RMND1: variants seen among roughly 807,000 people sequenced by gnomAD.
RMND1 encodes the protein required for meiotic nuclear division 1 homolog, also known as required for meiotic nuclear division protein 1 homolog.
Under a neutral mutation model 54.0 loss-of-function variants are expected in RMND1, and 41 were observed. The ratio of observed to expected loss-of-function variants is 0.76; its 90% CI spans 0.59 to 0.98. The LOEUF is 0.98. Among genes scored for constraint, RMND1 ranks in the 50% least tolerant of loss-of-function variants. The pLI is 0.00. For synonymous variants in RMND1, 183 were observed against 181.7 expected (o/e 1.01, Z -0.06); for missense variants, 457 against 532.0 (o/e 0.86, Z 1.39).
chr6:151,424,912 G>T (rs1780252605), intron 6 of RMND1, among the ~76,000 whole-genome samples: 1 of 152,190 alleles, frequency 6.6e-6, no homozygotes, highest in Admixed American at 6.5e-5. Context: ...GACAGCCTCA[G>T]ATGGAGGAAG....
At chr6:151,410,057 ATT>A (rs35691230) in intron 10 of RMND1, among the ~76,000 whole-genome samples, 6 of 140,384 alleles carry the variant, frequency 4.3e-5, no homozygotes, top group Non-Finnish European at 4.6e-5. Context: ...TCTTTGTTCC[ATT>A]TTTTTTTTTT....
chr6:151,408,056 A>C (rs1582938884), intron 10 of RMND1, among the ~76,000 whole-genome samples: 1 of 152,154 alleles, frequency 6.6e-6, no homozygotes, highest in Admixed American at 6.6e-5. Context: ...ATTAGGCTTT[A>C]AAAGGCAGTG....
intron 9 of RMND1, among the ~76,000 whole-genome samples, chr6:151,420,452 A>G (rs1562788320): frequency 6.6e-6 from 1 of 152,164 alleles, no homozygotes; most frequent in Non-Finnish European, 1.5e-5. Flanking sequence ...GCTAGAAGGG[A>G]TAAACTGGAC....
Position 151,430,119 on chromosome 6 carries a change from CATTTTT to C in RMND1, c.729+13_729+18del. 6.5e-7 allele frequency: 1 copy of C among 1,538,984 alleles called. No homozygotes were observed. On this transcript the variant is annotated intron_variant, in intron 5 of 11. Transcript: ENST00000444024. ...ACAAAACTAAATTTTTATATTTTCA[CATTTTT>C]ATTTACACTTACAGTTTTGTCTTTC...
rs1374996113 is a variant in RMND1 at position 151,433,210 on chromosome 6, T to C, written c.634A>G (p.Met212Val). 2.5e-6 allele frequency: 4 copies of C among 1,611,556 alleles called. No individual in the cohort carries two copies. Among genetic ancestry groups the C allele is most frequent in the Non-Finnish European group, 3.4e-6 (4 of 1,178,658 alleles). The part of the protein sequence containing the change: ...LPRDAANILV[M>V]GVENSAKEGD... ...TCTTTTGCAGAATTTTCCACACCCA[T>C]CACCAAAATATTTGCTGCATCTGTG... Residue 212 changes from methionine to valine, a missense_variant, in exon 4 of 12, where the codon ATG becomes GTG. Physicochemically the swap from Met to Val is conservative, Grantham distance 21. Transcript: ENST00000444024.
intron 5 of RMND1, 61 bp downstream of exon 5, chr6:151,430,077 A>C: frequency 9.3e-7 from 1 of 1,071,594 alleles, no homozygotes; most frequent in Non-Finnish European, 1.4e-6. Context: ...GTATGTGCTA[A>C]TTAACAATTC....
At chr6:151,423,173 C>G (rs9478205) in intron 7 of RMND1, among the ~76,000 whole-genome samples, 15,374 of 152,220 alleles carry the variant, frequency 0.1, 2,310 homozygotes, top group African/African-American at 0.33. Context: ...TTTTTCTACA[C>G]TGGGACCTGT....
chr6:151,426,586 T>C (rs1780302759), intron 6 of RMND1, among the ~76,000 whole-genome samples: 2 of 152,270 alleles, frequency 1.3e-5, no homozygotes, highest in South Asian at 4.1e-4. Flanking sequence ...AATAATTTGA[T>C]AGGTTCATTT....
At chr6:151,429,861 A>G (rs1780404906) in intron 5 of RMND1, among the ~76,000 whole-genome samples, 2 of 152,216 alleles carry the variant, frequency 1.3e-5, no homozygotes, top group African/African-American at 2.4e-5. Flanking sequence ...TGTATAGTAC[A>G]ACATGCAAAG....
chr6:151,407,612 G>A (rs572476970), intron 10 of RMND1, among the ~76,000 whole-genome samples: 1 of 152,230 alleles, frequency 6.6e-6, no homozygotes, highest in Non-Finnish European at 1.5e-5. Context: ...AAATGTGCAA[G>A]CAAGAGTCCC....
intron 10 of RMND1, among the ~76,000 whole-genome samples, chr6:151,416,126 G>C (rs974214210): frequency 6.6e-6 from 1 of 150,492 alleles, no homozygotes; most frequent in Non-Finnish European, 1.5e-5. Context: ...CTACAGGCAC[G>C]CGCCACCACA....
chr6:151,410,794 G>A (rs567519235), intron 10 of RMND1, among the ~76,000 whole-genome samples: 4 of 152,064 alleles, frequency 2.6e-5, no homozygotes, highest in Non-Finnish European at 5.9e-5. Context: ...TTGTGTATTT[G>A]CAGTATAACG....
intron 10 of RMND1, among the ~76,000 whole-genome samples, chr6:151,415,505 T>C (rs1267121450): frequency 2.0e-5 from 3 of 152,110 alleles, no homozygotes; most frequent in African/African-American, 7.2e-5. Flanking sequence ...GGAACTTTGA[T>C]ACAAGCAACA....
intron 10 of RMND1, among the ~76,000 whole-genome samples, chr6:151,409,624 A>G (rs146475480): frequency 6.6e-6 from 1 of 152,366 alleles, no homozygotes; most frequent in Non-Finnish European, 1.5e-5. Flanking sequence ...TGGGGCTTAC[A>G]TTCTAGTGGA....
At chr6:151,410,221 AT>A (rs573287613) in intron 10 of RMND1, among the ~76,000 whole-genome samples, 15 of 151,784 alleles carry the variant, frequency 9.9e-5, no homozygotes, top group Middle Eastern at 3.4e-3. Flanking sequence ...CGCCCAGCTA[AT>A]TTTTTTGTAT....
At chr6:151,450,306 TGAGAAGTGAGGAGACC>T (rs1321804553) in intron 1 of RMND1, among the ~76,000 whole-genome samples, 87 of 146,612 alleles carry the variant, frequency 5.9e-4, no homozygotes, top group Non-Finnish European at 1.1e-3. Flanking sequence ...CCGCCCCATC[TGAGAAGTGAGGAGACC>T]CTCCGCCCGG....
chr6:151,432,956 T>C (rs1477401086), intron 4 of RMND1, among the ~76,000 whole-genome samples, 199 bp downstream of exon 4: 1 of 152,212 alleles, frequency 6.6e-6, no homozygotes, highest in Non-Finnish European at 1.5e-5. Flanking sequence ...AAATATTCTT[T>C]ACTTTATAAG....
At chr6:151,405,523 A>C (rs1230161940) in intron 11 of RMND1, among the ~76,000 whole-genome samples, 197 bp downstream of exon 11, 1 of 152,248 alleles carries the variant, frequency 6.6e-6, no homozygotes, top group African/African-American at 2.4e-5. Flanking sequence ...CAAATTTTAA[A>C]AAGTGGAACC....
At chr6:151,426,396 C>A (rs1256967886) in intron 6 of RMND1, among the ~76,000 whole-genome samples, 1 of 152,186 alleles carries the variant, frequency 6.6e-6, no homozygotes. Flanking sequence ...TCAGGAAAAT[C>A]AGCTAGTCTG....
Sources: allele counts gnomAD v4.1 joint callset (sites outside exome capture counted in the v4.1 genomes callset), GRCh38; gene constraint gnomAD v4.1.1; transcripts MANE v1.5; gene names NCBI Gene and HGNC (gene_info 2026-07-23, HGNC 2026-07-21).